Variants in BAIAP2 observed in about 807,000 individuals in gnomAD.
The protein encoded by BAIAP2 is BAR/IMD domain-containing adapter protein 2.
In BAIAP2, 18 loss-of-function variants were observed where a neutral mutation model predicts 63.0. That is an observed-to-expected ratio of 0.29 (90% CI 0.20 to 0.42). The LOEUF (loss-of-function observed/expected upper bound fraction) is 0.42. Ranked by LOEUF, BAIAP2 falls within the 10% of genes least tolerant of loss-of-function variation. The pLI, the probability that BAIAP2 is intolerant of heterozygous loss-of-function variation, is 1.00. For synonymous variants in BAIAP2, 386 were observed against 307.6 expected, an observed-to-expected ratio of 1.25 and a Z score of -2.67; for missense variants, 610 against 734.3, an observed-to-expected ratio of 0.83 and a Z score of 1.96.
In BAIAP2 at chr17:81,106,940, C is replaced by T. The variant is rs566284180; in HGVS notation, c.1500+33C>T. ...GGCGGGGCCGGGGCTGGGAGGGGCC[C>T]GCAGGTGGAACAGTGGGCTCAGCCT... On this transcript the variant is annotated intron_variant, in intron 12 of 13. Coordinates refer to ENST00000428708, the MANE Select transcript of BAIAP2 (RefSeq NM_001144888.2). 119 of 1,475,524 alleles carry T rather than the reference C, an allele frequency of 8.1e-5. 1 individual carries two copies. The South Asian group carries it at 1.3e-3, about 16-fold the overall frequency. 91.4% of individuals were successfully genotyped at this position (1,475,524 alleles called of 1,614,324 possible).
intron 3 of BAIAP2, among the ~76,000 whole-genome samples, chr17:81,066,645 G>C (rs1317836633): frequency 1.3e-5 from 2 of 152,246 alleles, no homozygotes; most frequent in Non-Finnish European, 2.9e-5. Flanking sequence ...GAAGGTCCTT[G>C]GTCATGTGAA....
At chr17:81,067,713 TCCCTTTGG>T (rs1329044094) in intron 3 of BAIAP2, among the ~76,000 whole-genome samples, 1 of 152,186 alleles carries the variant, frequency 6.6e-6, no homozygotes, top group Non-Finnish European at 1.5e-5. Flanking sequence ...TTGCTGCTGC[TCCCTTTGG>T]CCCAGCATCG....
intron 3 of BAIAP2, among the ~76,000 whole-genome samples, chr17:81,062,529 T>C (rs1029926648): frequency 2.0e-5 from 3 of 152,144 alleles, no homozygotes; most frequent in African/African-American, 7.2e-5. Flanking sequence ...TCAGTCTCTG[T>C]TTCTTCTCCT....
chr17:81,074,853 A>G (rs1027331882), intron 3 of BAIAP2, among the ~76,000 whole-genome samples: 3 of 152,226 alleles, frequency 2.0e-5, no homozygotes, highest in Non-Finnish European at 4.4e-5. Flanking sequence ...AGAGTGGTGA[A>G]GCGATTGTGG....
intron 3 of BAIAP2, among the ~76,000 whole-genome samples, chr17:81,077,560 T>A (rs2053858655): frequency 6.1e-5 from 1 of 16,514 alleles, no homozygotes; most frequent in African/African-American, 2.8e-4. Context: ...AGAGACTCTG[T>A]CTCAAAAAAA....
intron 3 of BAIAP2, among the ~76,000 whole-genome samples, chr17:81,072,893 C>T (rs2052953118): frequency 6.6e-6 from 1 of 151,994 alleles, no homozygotes; most frequent in Non-Finnish European, 1.5e-5. Flanking sequence ...ACCTCATTGT[C>T]TGTGGTCATG....
chr17:81,047,101 A>G (rs4969362), intron 1 of BAIAP2, among the ~76,000 whole-genome samples: 10,174 of 152,298 alleles, frequency 0.067, 566 homozygotes, highest in East Asian at 0.32. Context: ...CACCCTGGGC[A>G]TTGGCCCTCC....
At chr17:81,095,079 C>CT (rs1224760284) in intron 6 of BAIAP2, among the ~76,000 whole-genome samples, 1 of 152,228 alleles carries the variant, frequency 6.6e-6, no homozygotes, top group African/African-American at 2.4e-5. Context: ...CCCAGGGTGA[C>CT]TAAGTGGGAG....
At chr17:81,112,122 CCCTT>C in intron 13 of BAIAP2, among the ~76,000 whole-genome samples, 1 of 152,372 alleles carries the variant, frequency 6.6e-6, no homozygotes, top group East Asian at 1.9e-4. Flanking sequence ...CCATCTTCCT[CCCTT>C]CCGAGACGCT....
intron 4 of BAIAP2, 193 bp downstream of exon 4, chr17:81,085,086 C>T (rs558414684): frequency 3.5e-5 from 22 of 620,130 alleles, no homozygotes; most frequent in South Asian, 2.1e-4. Flanking sequence ...CAGGCCAGAC[C>T]GCGGCCGCAT....
chr17:81,116,266 G>GC lies in BAIAP2; in HGVS notation c.*428dup. 6.2e-7 allele frequency: 1 copy of GC among 1,612,874 alleles called. No individual in the cohort carries two copies. The highest frequency in any genetic ancestry group is 8.5e-7 in the Non-Finnish European group (1 of 1,179,962). On this transcript the variant is annotated 3_prime_UTR_variant, in exon 14 of 14. Transcript: ENST00000428708. ...CCGCCCAAGGGCCAGAAGGCCGGGA[G>GC]CACGGGGATGGGAGCGCCCGCACCC...
intron 13 of BAIAP2, chr17:81,110,194 C>CCCGTGGCCTG: frequency 1.0e-6 from 1 of 985,734 alleles, no homozygotes; most frequent in Non-Finnish European, 1.2e-6. Context: ...CACACACCTC[C>CCCGTGGCCTG]CCGTGGCCTG....
At chr17:81,066,223 G>A (rs933936686) in intron 3 of BAIAP2, among the ~76,000 whole-genome samples, 1 of 152,220 alleles carries the variant, frequency 6.6e-6, no homozygotes, top group African/African-American at 2.4e-5. Context: ...GGGCGTGTGT[G>A]TACCTGCTGG....
intron 1 of BAIAP2, among the ~76,000 whole-genome samples, chr17:81,052,581 A>G (rs1485668232): frequency 6.6e-6 from 1 of 151,912 alleles, no homozygotes; most frequent in Non-Finnish European, 1.5e-5. Flanking sequence ...CACCCTGGCC[A>G]TACCTCAGGG....
Position 81,086,426 on chromosome 17 carries a change from T to C in BAIAP2, c.352-17T>C. ...GTTCATGGGCCTTGGTTTTGTGTTT[T>C]ATTGTTTGAATCTCAGGCTGCGCTG... On this transcript the variant is annotated splice_polypyrimidine_tract_variant and intron_variant, in intron 5 of 13. Coordinates refer to ENST00000428708, the MANE Select transcript of BAIAP2 (RefSeq NM_001144888.2). The C allele has an allele frequency of 6.2e-7, 1 of 1,612,918 alleles. No homozygotes were observed. The highest frequency in any genetic ancestry group is 8.5e-7 in the Non-Finnish European group (1 of 1,179,170).
At chr17:81,071,982 C>T (rs557864161) in intron 3 of BAIAP2, among the ~76,000 whole-genome samples, 2 of 152,254 alleles carry the variant, frequency 1.3e-5, no homozygotes, top group African/African-American at 4.8e-5. Context: ...GATCATCCCC[C>T]CCTCCCCCTC....
At chr17:81,092,622 G>A (rs796237972) in intron 6 of BAIAP2, among the ~76,000 whole-genome samples, 10 of 152,350 alleles carry the variant, frequency 6.6e-5, no homozygotes, top group African/African-American at 2.4e-4. Context: ...AGGGCACTGG[G>A]GCTAGGAAGC....
rs768006288 is a variant in BAIAP2, at chr17:81,046,390, C to T, written c.55-7278C>T. On this transcript the variant is annotated intron_variant, in intron 1 of 13. Coordinates refer to ENST00000428708, the MANE Select transcript of BAIAP2 (RefSeq NM_001144888.2). The surrounding 1 kb of genome is among the most constrained non-coding windows in gnomAD (Gnocchi z 4.5). ...TGTGCTCCTGGAGTTGGTTTTCTTC[C>T]TTCAGGAAGGATCCTCCAGGACAGA... 6.6e-5 allele frequency among the ~76,000 whole-genome samples: 10 copies of T among 152,150 alleles called. No individual in the cohort carries two copies. The highest frequency in any genetic ancestry group is 1.2e-4 in the Non-Finnish European group (8 of 68,002).
intron 3 of BAIAP2, among the ~76,000 whole-genome samples, chr17:81,069,509 C>T (rs2052167686): frequency 6.6e-6 from 1 of 152,248 alleles, no homozygotes; most frequent in African/African-American, 2.4e-5. Context: ...CCGCTCATGC[C>T]ATGGGACTCT....
Sources: gnomAD v4.1 joint callset for allele counts (sites outside exome capture counted in the v4.1 genomes callset) on GRCh38, gnomAD v4.1.1 for gene constraint, Gnocchi (gnomAD v3.1) non-coding constraint, MANE v1.5 for transcripts, NCBI Gene and HGNC (gene_info 2026-07-23, HGNC 2026-07-21) for gene names.